The following CLEC16A variants were observed in gnomAD, a reference collection of about 807,000 sequenced individuals.
CLEC16A encodes the protein C-type lectin domain containing 16A.
In CLEC16A, 51 loss-of-function variants were observed where a neutral mutation model predicts 109.5. The observed-to-expected ratio is 0.47, with a 90% CI of 0.37 to 0.59. The LOEUF is 0.59. CLEC16A is among the 20% of genes least tolerant of loss of function. The probability of loss-of-function intolerance (pLI) is 0.00; values close to 1 mark genes in which losing one functional copy is unlikely to be tolerated. For synonymous variants in CLEC16A, 673 were observed against 564.2 expected (o/e 1.19, Z -2.73); for missense variants, 1,339 against 1,394.0 (o/e 0.96, Z 0.63).
chr16:11,175,106 C>T (rs1222806015), intron 23 of CLEC16A, among the ~76,000 whole-genome samples: 1 of 152,234 alleles, frequency 6.6e-6, no homozygotes, highest in Non-Finnish European at 1.5e-5. Context: ...CACTCAGCCC[C>T]ACCTTTTCCC....
intron 22 of CLEC16A, among the ~76,000 whole-genome samples, chr16:11,162,509 T>C (rs978902678): frequency 2.6e-5 from 4 of 152,202 alleles, no homozygotes; most frequent in Non-Finnish European, 5.9e-5. Context: ...ATAACAAAAC[T>C]CACTGCAGTA....
intron 22 of CLEC16A, among the ~76,000 whole-genome samples, chr16:11,131,734 C>T (rs978712353): frequency 2.0e-5 from 3 of 152,196 alleles, no homozygotes; most frequent in Non-Finnish European, 4.4e-5. Flanking sequence ...TAAAACCCAC[C>T]AGCCCCTCCT....
At chr16:10,950,855 A>C (rs1163529427) in intron 1 of CLEC16A, among the ~76,000 whole-genome samples, 1 of 152,204 alleles carries the variant, frequency 6.6e-6, no homozygotes, top group Non-Finnish European at 1.5e-5. Flanking sequence ...ACCTCCTATC[A>C]TTCTGCTTAT....
At chr16:11,049,740 A>G (rs1408239570) in intron 17 of CLEC16A, among the ~76,000 whole-genome samples, 2 of 152,170 alleles carry the variant, frequency 1.3e-5, no homozygotes, top group East Asian at 1.9e-4. Context: ...CAAAAGGTTC[A>G]GTGAGGTGAT....
chr16:10,977,217 C>T lies in CLEC16A; in HGVS notation c.729-8C>T. 1 of 1,612,256 alleles carries T rather than the reference C, an allele frequency of 6.2e-7. No homozygotes were observed. The highest frequency in any genetic ancestry group is 1.3e-5 in the African/African-American group (1 of 75,042). On this transcript the variant is annotated splice_polypyrimidine_tract_variant and splice_region_variant and intron_variant, in intron 7 of 23. Coordinates refer to ENST00000409790, the MANE Select transcript of CLEC16A (RefSeq NM_015226.3). ...CCTCCAGGCTGAGGTGGTCATTTCTCCTGGCAGGCATCGGAATCGGGGTAA... is the reference window on the plus strand; with the variant it reads ...CCTCCAGGCTGAGGTGGTCATTTCTTCTGGCAGGCATCGGAATCGGGGTAA...
intron 22 of CLEC16A, among the ~76,000 whole-genome samples, chr16:11,135,344 G>C (rs932577412): frequency 6.6e-6 from 1 of 152,174 alleles, no homozygotes; most frequent in Non-Finnish European, 1.5e-5. Flanking sequence ...AGAAGGAACC[G>C]CGTTCCCGGA....
In CLEC16A at chr16:10,954,083, A is replaced by C. The variant is rs777687566; in HGVS notation, c.81-3699A>C. ...AGGCACCCGGTTTCACTACTGGAAG[A>C]AAGCCCCCACGCAATATCACTGCAT... On this transcript the variant is annotated intron_variant, in intron 1 of 23. Transcript: ENST00000409790. This position sits in a 1 kb window ranked among gnomAD's most constrained non-coding sequence, Gnocchi z 4.2. 4.6e-5 allele frequency among the ~76,000 whole-genome samples: 7 copies of C among 152,336 alleles called. No homozygotes were observed. Among genetic ancestry groups the C allele is most frequent in the East Asian group, 1.9e-4 (1 of 5,184 alleles).
intron 19 of CLEC16A, among the ~76,000 whole-genome samples, chr16:11,112,725 C>G (rs989521759): frequency 1.5e-4 from 23 of 152,066 alleles, no homozygotes; most frequent in Admixed American, 9.8e-4. Flanking sequence ...TCTCCCCTCC[C>G]CAAAGAAAAA....
At chr16:11,029,934 T>C (rs2046640857) in intron 13 of CLEC16A, among the ~76,000 whole-genome samples, 1 of 152,248 alleles carries the variant, frequency 6.6e-6, no homozygotes, top group African/African-American at 2.4e-5. Context: ...CCTGTCATGC[T>C]AGATTAGTTT....
At chr16:11,096,308 G>A (rs868399390) in intron 19 of CLEC16A, among the ~76,000 whole-genome samples, 1 of 152,060 alleles carries the variant, frequency 6.6e-6, no homozygotes, top group African/African-American at 2.4e-5. Flanking sequence ...TGGCATCACC[G>A]CACTCCATCC....
chr16:11,064,279 C>T (rs1026313474), intron 19 of CLEC16A, among the ~76,000 whole-genome samples: 5 of 152,236 alleles, frequency 3.3e-5, no homozygotes, highest in Non-Finnish European at 7.3e-5. Context: ...CATTTGCAAA[C>T]CGAGTGCCTC....
chr16:11,142,896 C>T (rs1168962792), intron 22 of CLEC16A, among the ~76,000 whole-genome samples: 2 of 152,148 alleles, frequency 1.3e-5, no homozygotes, highest in African/African-American at 2.4e-5. Context: ...CTGCAACCTC[C>T]GCCCCCCTGG....
At chr16:11,081,225 G>A (rs1260565671) in intron 19 of CLEC16A, among the ~76,000 whole-genome samples, 3 of 152,282 alleles carry the variant, frequency 2.0e-5, no homozygotes, top group East Asian at 1.9e-4. Flanking sequence ...GTGGGCCCCT[G>A]GGTCTCAGAA....
intron 1 of CLEC16A, among the ~76,000 whole-genome samples, chr16:10,956,642 G>T (rs933674066): frequency 6.6e-6 from 1 of 152,140 alleles, no homozygotes; most frequent in Non-Finnish European, 1.5e-5. Flanking sequence ...TGGTCCCCGC[G>T]CTGCTCAGGA....
At chr16:11,047,384 G>C (rs751332051) in intron 17 of CLEC16A, 42 bp downstream of exon 17, 2 of 1,507,682 alleles carry the variant, frequency 1.3e-6, no homozygotes, top group Non-Finnish European at 1.8e-6. Context: ...GTGTGCGCCT[G>C]TGTCCCTGCC....
At chr16:11,117,283 TTAAAA>T (rs1271611295) in intron 19 of CLEC16A, among the ~76,000 whole-genome samples, 2 of 152,228 alleles carry the variant, frequency 1.3e-5, no homozygotes, top group Non-Finnish European at 1.5e-5. Flanking sequence ...AACTGTATAC[TTAAAA>T]TAGGTGAACT....
intron 22 of CLEC16A, among the ~76,000 whole-genome samples, chr16:11,139,043 G>A (rs1028300081): frequency 6.7e-6 from 1 of 148,946 alleles, no homozygotes; most frequent in African/African-American, 2.4e-5. Context: ...AAGAAGGCTT[G>A]GTTTCCCTCC....
intron 11 of CLEC16A, among the ~76,000 whole-genome samples, chr16:11,005,140 C>T (rs1567184011): frequency 1.3e-5 from 2 of 152,196 alleles, no homozygotes; most frequent in South Asian, 2.1e-4. Flanking sequence ...TCTAACCAGG[C>T]CTCAGCTGTG....
intron 20 of CLEC16A, among the ~76,000 whole-genome samples, chr16:11,122,881 C>T (rs1394989453): frequency 6.7e-6 from 1 of 149,188 alleles, no homozygotes. Flanking sequence ...GCTCAATGAC[C>T]TTCCCTATCC....
Sources: gnomAD v4.1 joint callset for allele counts (sites outside exome capture counted in the v4.1 genomes callset) on GRCh38, gnomAD v4.1.1 for gene constraint, Gnocchi (gnomAD v3.1) non-coding constraint, MANE v1.5 for transcripts, NCBI Gene and HGNC (gene_info 2026-07-23, HGNC 2026-07-21) for gene names.